ACTN2: variants seen among roughly 807,000 people sequenced by gnomAD.
The protein encoded by ACTN2 is alpha-actinin-2.
A neutral mutation model predicts 113.8 loss-of-function variants in ACTN2; 39 were observed. The observed-to-expected ratio is 0.34, with a 90% CI of 0.27 to 0.45. The LOEUF (loss-of-function observed/expected upper bound fraction) is 0.45. Ranked by LOEUF, ACTN2 falls within the 20% of genes least tolerant of loss-of-function variation. The pLI is 1.00. For missense variants in ACTN2, 992 were observed against 1,177.9 expected (o/e 0.84, Z 2.31); for synonymous variants, 429 against 444.1 (o/e 0.97, Z 0.43).
chr1:236,727,195 A>T (rs201211874), intron 5 of ACTN2, among the ~76,000 whole-genome samples: 1 of 144,912 alleles, frequency 6.9e-6, no homozygotes, highest in Non-Finnish European at 1.5e-5. Context: ...GAAAAAAAAA[A>T]GAACTTAAAG....
At chr1:236,731,179 A>T (rs1294463352) in intron 6 of ACTN2, 54 bp from the exon 7 acceptor site, 1 of 1,376,480 alleles carries the variant, frequency 7.3e-7, no homozygotes, top group African/African-American at 1.4e-5. Context: ...CATTCTTCAT[A>T]AGTCTTGTTT....
At chr1:236,710,761 A>G (rs1362386411) in intron 1 of ACTN2, among the ~76,000 whole-genome samples, 1 of 152,210 alleles carries the variant, frequency 6.6e-6, no homozygotes, top group African/African-American at 2.4e-5. Context: ...CAGCGGCAGC[A>G]TCAGATTCTC....
At chr1:236,704,183 A>G (rs1657758506) in intron 1 of ACTN2, among the ~76,000 whole-genome samples, 2 of 152,208 alleles carry the variant, frequency 1.3e-5, no homozygotes, top group African/African-American at 4.8e-5. Context: ...AGATCAACAT[A>G]TGATGGACTT....
Position 236,744,614 on chromosome 1 carries a change from C to T in ACTN2, c.1256-12C>T, listed in dbSNP as rs749509401. 4 of 1,614,028 alleles carry T rather than the reference C, an allele frequency of 2.5e-6. No homozygotes were observed. In the South Asian group the frequency reaches 4.4e-5, roughly 18 times the overall value. On this transcript the variant is annotated splice_polypyrimidine_tract_variant and intron_variant, in intron 11 of 20. Transcript: ENST00000366578. ...TCAGCATATTCATACTTTCTTGCTACCACCTTTGCAGGCAAAGAGCAGATC... is the reference window on the plus strand; with the variant it reads ...TCAGCATATTCATACTTTCTTGCTATCACCTTTGCAGGCAAAGAGCAGATC...
chr1:236,748,989 T>C, intron 13 of ACTN2, 135 bp from the exon 14 acceptor site: 1 of 1,034,440 alleles, frequency 9.7e-7, no homozygotes, highest in South Asian at 1.4e-5. Context: ...GAGCATCGGG[T>C]AATCTTTTGT....
Position 236,686,517 on chromosome 1 carries a change from G to C in ACTN2, c.-157G>C, listed in dbSNP as rs1172054213. 3.7e-6 allele frequency: 3 copies of C among 804,236 alleles called. No individual in the cohort carries two copies. Among genetic ancestry groups the C allele is most frequent in the Non-Finnish European group, 4.9e-6 (3 of 606,652 alleles). 49.8% of individuals were successfully genotyped at this position (804,236 alleles called of 1,614,324 possible). ...CGCAGCCGGAGCTGGTGCTTCGCCC[G>C]AGACCCAGCGCCCAGGCGTGTCGCC... is the stretch of plus-strand genomic sequence containing the variant. On this transcript the variant is annotated 5_prime_UTR_variant, in exon 1 of 21. Coordinates refer to ENST00000366578, the MANE Select transcript of ACTN2 (RefSeq NM_001103.4).
At chr1:236,733,479 T>TTCC (rs1359534212) in intron 7 of ACTN2, among the ~76,000 whole-genome samples, 8 of 152,214 alleles carry the variant, frequency 5.3e-5, no homozygotes, top group African/African-American at 1.7e-4. Context: ...CTGTGTTCAT[T>TTCC]TCCTCCTCCT....
At chr1:236,734,515 G>C in intron 7 of ACTN2, 1 of 1,532,922 alleles carries the variant, frequency 6.5e-7, no homozygotes, top group Non-Finnish European at 8.7e-7. Context: ...CTGGTGCACA[G>C]AAGGTGAGGA....
At chr1:236,758,232 A>T (rs10925221) in intron 18 of ACTN2, among the ~76,000 whole-genome samples, 43,178 of 150,616 alleles carry the variant, frequency 0.29, 7,079 homozygotes, top group African/African-American at 0.45. Flanking sequence ...AGAAAATACT[A>T]TTTACTAATC....
chr1:236,715,127 C>G (rs1252638282), intron 1 of ACTN2, among the ~76,000 whole-genome samples: 1 of 151,342 alleles, frequency 6.6e-6, no homozygotes, highest in East Asian at 1.9e-4. Flanking sequence ...TTCTTTGAAC[C>G]CTTTCGTACC....
At position 236,742,937 on chromosome 1, in the gene ACTN2, G is replaced by A. The variant is rs369085364; in HGVS notation, c.1149G>A (p.Lys383=). 1 of 1,614,198 alleles carries A rather than the reference G, an allele frequency of 6.2e-7. No homozygotes were observed. Among genetic ancestry groups the A allele is most frequent in the Non-Finnish European group, 8.5e-7 (1 of 1,180,052 alleles). The part of the protein sequence containing the change: ...GAWQRLEQAE[K]GYEEWLLNEI... ...GGCAGAGGCTGGAGCAGGCTGAGAA[G>A]GGTTACGAGGAGTGGTTGCTCAATG... Residue 383 remains lysine (K), a synonymous_variant, in exon 11 of 21, where the codon AAG becomes AAA. Transcript: ENST00000366578.
At chr1:236,718,029 A>G (rs1658273237) in intron 2 of ACTN2, 57 bp downstream of exon 2, 4 of 1,344,456 alleles carry the variant, frequency 3.0e-6, no homozygotes, top group Admixed American at 3.7e-5. Context: ...GTGAGCATCT[A>G]TTTAAAGATG....
At chr1:236,724,549 C>T (rs774956738) in intron 4 of ACTN2, among the ~76,000 whole-genome samples, 6 of 152,234 alleles carry the variant, frequency 3.9e-5, no homozygotes, top group Non-Finnish European at 8.8e-5. Flanking sequence ...AGGTCTCCGA[C>T]TGCAGTGCAG....
chr1:236,734,345 C>G, intron 7 of ACTN2: 1 of 921,528 alleles, frequency 1.1e-6, no homozygotes, highest in South Asian at 1.8e-5. Context: ...GGGGAGGATT[C>G]CTGATTCCAA....
intron 9 of ACTN2, among the ~76,000 whole-genome samples, chr1:236,737,548 G>GTT (rs59220764): frequency 4.8e-4 from 68 of 143,156 alleles, no homozygotes; most frequent in Non-Finnish European, 5.0e-4. Context: ...TGGGTTACTT[G>GTT]TTTTTTTTTT....
At chr1:236,716,400 C>T (rs1441385831) in intron 1 of ACTN2, among the ~76,000 whole-genome samples, 1 of 152,028 alleles carries the variant, frequency 6.6e-6, no homozygotes, top group Non-Finnish European at 1.5e-5. Flanking sequence ...CCAGCAGCTG[C>T]CAGAAACATT....
Position 236,686,709 on chromosome 1 carries a change from C to A in ACTN2, c.36C>A (p.Tyr12Ter), listed in dbSNP as rs1302783639. 5 of 1,567,628 alleles carry A rather than the reference C, an allele frequency of 3.2e-6. No individual in the cohort carries two copies. The highest frequency in any genetic ancestry group is 4.3e-6 in the Non-Finnish European group (5 of 1,156,868). Residue 12 changes from tyrosine (Y) to a stop codon, truncating the protein, a stop_gained, in exon 1 of 21, where the codon TAC becomes TAA. Transcript: ENST00000366578. LOFTEE classifies it high-confidence loss of function. Reference sequence around the variant, plus strand: ...TAGAGCCCGGCGTGCAGTACAACTACGTGTACGACGAGGATGAGTACATGA... The same window carrying A: ...TAGAGCCCGGCGTGCAGTACAACTAAGTGTACGACGAGGATGAGTACATGA... ...NQIEPGVQYN[Y>*]VYDEDEYMIQ...
At chr1:236,696,317 CAAAA>C (rs11317690) in intron 1 of ACTN2, among the ~76,000 whole-genome samples, 5 of 128,368 alleles carry the variant, frequency 3.9e-5, no homozygotes, top group Non-Finnish European at 5.1e-5. Context: ...GACTCTGTCT[CAAAA>C]AAAAAAAAAA....
intron 2 of ACTN2, 128 bp from the exon 3 acceptor site, chr1:236,718,766 C>A: frequency 2.3e-6 from 3 of 1,297,174 alleles, no homozygotes; most frequent in Non-Finnish European, 3.3e-6. Context: ...AGAGACCAGG[C>A]ACACATCAGA....
Sources: allele counts gnomAD v4.1 joint callset (sites outside exome capture counted in the v4.1 genomes callset), GRCh38; gene constraint gnomAD v4.1.1; transcripts MANE v1.5; gene names NCBI Gene and HGNC (gene_info 2026-07-23, HGNC 2026-07-21).